SLC5A8: variants seen among roughly 807,000 people sequenced by gnomAD.
SLC5A8 encodes sodium-coupled monocarboxylate transporter 1.
Under a neutral mutation model 71.9 loss-of-function variants are expected in SLC5A8, and 55 were observed. The observed-to-expected ratio is 0.77, with a 90% CI of 0.62 to 0.96. The LOEUF (loss-of-function observed/expected upper bound fraction) is 0.96, where lower values mean the gene tolerates loss of function less well. SLC5A8 is among the 40% of genes least tolerant of loss of function. The pLI is 0.00. For missense variants in SLC5A8, 701 were observed against 745.3 expected, an observed-to-expected ratio of 0.94 and a Z score of 0.69; for synonymous variants, 307 against 276.1, an observed-to-expected ratio of 1.11 and a Z score of -1.11.
chr12:101,180,230 C>A, intron 9 of SLC5A8, 134 bp from the exon 10 acceptor site: 2 of 882,104 alleles, frequency 2.3e-6, no homozygotes, highest in Non-Finnish European at 1.9e-6. Context: ...CACATCAGAG[C>A]CAGTGAATAA....
At chr12:101,183,527 T>C (rs1237086267) in intron 8 of SLC5A8, among the ~76,000 whole-genome samples, 2 of 152,202 alleles carry the variant, frequency 1.3e-5, no homozygotes, top group African/African-American at 4.8e-5. Flanking sequence ...CGTATTCCTA[T>C]GCATAACAAC....
intron 6 of SLC5A8, among the ~76,000 whole-genome samples, chr12:101,189,049 C>T (rs1868784973): frequency 6.6e-6 from 1 of 152,122 alleles, no homozygotes. Context: ...GAGTCTGCTT[C>T]ATGCAGGAGA....
chr12:101,183,950 G>A (rs988257221), intron 8 of SLC5A8, among the ~76,000 whole-genome samples, 184 bp downstream of exon 8: 10 of 152,152 alleles, frequency 6.6e-5, no homozygotes, highest in Admixed American at 5.2e-4. Context: ...AAGTGGAGCC[G>A]ATGACAACAG....
In SLC5A8 at chr12:101,192,068, TC is replaced by T. The variant is rs988254064; in HGVS notation, c.693-1461del. Among the ~76,000 whole-genome samples the T allele has an allele frequency of 7.2e-5, 11 of 152,126 alleles. 1 individual carries two copies. The highest frequency in any genetic ancestry group is 2.4e-4 in the African/African-American group (10 of 41,418). ...ATTGGTTGTTTCCACTTCCTGGACTTCCCCCCTCCCTGTTCTGGTAAAAGCA... is the reference window on the plus strand; with the variant it reads ...ATTGGTTGTTTCCACTTCCTGGACTTCCCCCTCCCTGTTCTGGTAAAAGCA... On this transcript the variant is annotated intron_variant, in intron 5 of 14. Coordinates refer to ENST00000536262, the MANE Select transcript of SLC5A8 (RefSeq NM_145913.5).
At chr12:101,168,240 CAA>C (rs1424816364) in intron 10 of SLC5A8, 58 bp from the exon 11 acceptor site, 44 of 1,479,630 alleles carry the variant, frequency 3.0e-5, no homozygotes, top group Non-Finnish European at 3.8e-5. Context: ...TCAAATATTT[CAA>C]AGTCATTTCA....
intron 1 of SLC5A8, among the ~76,000 whole-genome samples, chr12:101,208,247 A>C (rs1053096897): frequency 2.6e-5 from 4 of 152,156 alleles, no homozygotes; most frequent in African/African-American, 9.7e-5. Flanking sequence ...AATGGAAGGC[A>C]ATGCTGCCCA....
At chr12:101,186,080 ATTTTT>A (rs35334880) in intron 7 of SLC5A8, among the ~76,000 whole-genome samples, 7 of 134,794 alleles carry the variant, frequency 5.2e-5, no homozygotes, top group East Asian at 2.1e-4. Flanking sequence ...AGCCGTAGGG[ATTTTT>A]TTTTTTTTTT....
At chr12:101,209,371 G>A (rs1435916610) in intron 1 of SLC5A8, 127 bp downstream of exon 1, 1 of 695,220 alleles carries the variant, frequency 1.4e-6, no homozygotes, top group African/African-American at 1.8e-5. Flanking sequence ...GGAGGGTGAT[G>A]ATGACGATGG....
Position 101,202,155 on chromosome 12 carries a change from A to G in SLC5A8, c.469+9T>C, listed in dbSNP as rs1869481706. 7 of 1,611,826 alleles carry G rather than the reference A, an allele frequency of 4.3e-6. No individual in the cohort carries two copies. The East Asian group carries it at 1.3e-4, about 31-fold the overall frequency. On this transcript the variant is annotated intron_variant, in intron 3 of 14. Transcript: ENST00000536262. ...TGTGAGTTACCTAACTGGCAACTCT[A>G]AAATGTACCTTGATTCAAAGCCAGG...
In SLC5A8 at chr12:101,166,646, A is replaced by G; in HGVS notation, c.1374T>C (p.Ile458=). 1.2e-6 allele frequency: 2 copies of G among 1,613,674 alleles called. No homozygotes were observed. The highest frequency in any genetic ancestry group is 2.2e-5 in the South Asian group (2 of 90,974). The part of the protein sequence containing the change: ...AGFAISLWVG[I]GAQIYPPLPE... ...GAAGTGGAGGATATATTTGAGCTCC[A>G]ATTCCAACCCATAGAGAAATGGCAA... The change falls in exon 12 of 15, where the codon ATT becomes ATC. Residue 458 remains isoleucine (I), a synonymous_variant. Coordinates refer to ENST00000536262, the MANE Select transcript of SLC5A8 (RefSeq NM_145913.5).
intron 2 of SLC5A8, among the ~76,000 whole-genome samples, chr12:101,202,877 A>G (rs1293785426): frequency 6.6e-6 from 1 of 152,212 alleles, no homozygotes; most frequent in Non-Finnish European, 1.5e-5. Flanking sequence ...AATATATCCC[A>G]TAAAAGCAAA....
Position 101,195,136 on chromosome 12 carries a change from C to G in SLC5A8, c.496G>C (p.Val166Leu), listed in dbSNP as rs1267705145. Reference sequence around the variant, plus strand: ...GTGCAGACCACCCCCGTTGCCACTACCGCGCCCCACAGATCAAATCCTGTG... The same window carrying G: ...GTGCAGACCACCCCCGTTGCCACTAGCGCGCCCCACAGATCAAATCCTGTG... ...QVTGFDLWGA[V>L]VATGVVCTFY... Residue 166 changes from valine to leucine, a missense_variant, in exon 4 of 15, where the codon GTA becomes CTA. Coordinates refer to ENST00000536262, the MANE Select transcript of SLC5A8 (RefSeq NM_145913.5). 1 of 1,614,090 alleles carries G rather than the reference C, an allele frequency of 6.2e-7. No individual in the cohort carries two copies. Among genetic ancestry groups the G allele is most frequent in the Middle Eastern group, 1.7e-4 (1 of 6,060 alleles).
intron 3 of SLC5A8, among the ~76,000 whole-genome samples, chr12:101,200,564 A>T (rs1869416904): frequency 1.3e-5 from 2 of 152,170 alleles, no homozygotes; most frequent in South Asian, 4.1e-4. Context: ...CTGAAAAAAA[A>T]TCAGGGAAAT....
Position 101,157,428 on chromosome 12 carries a change from TA to T in SLC5A8, c.1711-28del, listed in dbSNP as rs753384979. The T allele has an allele frequency of 2.3e-5, 36 of 1,552,166 alleles. No individual in the cohort carries two copies. In the African/African-American group the frequency reaches 3.6e-4, roughly 15 times the overall value. On this transcript the variant is annotated intron_variant, in intron 14 of 14. Coordinates refer to ENST00000536262, the MANE Select transcript of SLC5A8 (RefSeq NM_145913.5). The stretch of plus-strand genomic sequence containing the variant: ...TAAAAGAAAATGTTAACATGGTGAT[TA>T]GGGGGAGAAAAAGAAGCTCTTCATT...
intron 2 of SLC5A8, among the ~76,000 whole-genome samples, chr12:101,203,751 A>G (rs1593385851): frequency 6.6e-6 from 1 of 152,244 alleles, no homozygotes; most frequent in Non-Finnish European, 1.5e-5. Flanking sequence ...TGCTTAACTG[A>G]CAAGAGGAAA....
Position 101,209,815 on chromosome 12 carries a change from C to T in SLC5A8, c.34G>A (p.Val12Met). Reference sequence around the variant, plus strand: ...CCCGCGAACACCACGTAGTCCCACACCACGAAGGTGCCGATGCCCCGTGGC... The same window carrying T: ...CCCGCGAACACCACGTAGTCCCACATCACGAAGGTGCCGATGCCCCGTGGC... The part of the protein sequence containing the change: ...DTPRGIGTFV[V>M]WDYVVFAGML... The change falls in exon 1 of 15, where the codon GTG (valine) becomes ATG (methionine). Residue 12 changes from valine to methionine, a missense_variant. Physicochemically the swap from Val to Met is conservative, Grantham distance 21. Coordinates refer to ENST00000536262, the MANE Select transcript of SLC5A8 (RefSeq NM_145913.5). 1 of 1,583,596 alleles carries T rather than the reference C, an allele frequency of 6.3e-7. No individual in the cohort carries two copies. The highest frequency in any genetic ancestry group is 8.6e-7 in the Non-Finnish European group (1 of 1,162,500).
chr12:101,171,515 G>A (rs2051829775), intron 10 of SLC5A8, among the ~76,000 whole-genome samples: 2 of 152,180 alleles, frequency 1.3e-5, no homozygotes, highest in South Asian at 2.1e-4. Context: ...ACGGTGAGTA[G>A]GAGTTGGTGG....
At chr12:101,169,437 G>C (rs2051807061) in intron 10 of SLC5A8, among the ~76,000 whole-genome samples, 1 of 152,182 alleles carries the variant, frequency 6.6e-6, no homozygotes. Flanking sequence ...GACTGGCTGT[G>C]GTTTAGGAGT....
intron 6 of SLC5A8, among the ~76,000 whole-genome samples, chr12:101,189,103 ATGC>A (rs1868788294): frequency 6.6e-6 from 1 of 152,218 alleles, no homozygotes; most frequent in Non-Finnish European, 1.5e-5. Context: ...GAAAGCTCTA[ATGC>A]TGCTATTTAA....
Sources: allele counts gnomAD v4.1 joint callset (sites outside exome capture counted in the v4.1 genomes callset), GRCh38; gene constraint gnomAD v4.1.1; transcripts MANE v1.5; gene names NCBI Gene and HGNC (gene_info 2026-07-23, HGNC 2026-07-21).